The following PISD variants were observed in gnomAD, a reference collection of about 807,000 sequenced individuals.
PISD encodes phosphatidylserine decarboxylase proenzyme, mitochondrial.
Under a neutral mutation model 43.5 loss-of-function variants are expected in PISD, and 31 were observed. The observed-to-expected ratio is 0.71, with a 90% CI of 0.54 to 0.96. The LOEUF (loss-of-function observed/expected upper bound fraction) is 0.96. Among genes scored for constraint, PISD ranks in the 40% least tolerant of loss-of-function variants. PISD has a pLI of 0.00. For synonymous variants in PISD, 259 were observed against 228.7 expected (o/e 1.13, Z -1.20); for missense variants, 523 against 548.4 (o/e 0.95, Z 0.46).
Position 31,618,633 on chromosome 22 carries a change from C to G in PISD, c.*979G>C. 2.2e-6 allele frequency: 1 copy of G among 456,580 alleles called. No individual in the cohort carries two copies. The highest frequency in any genetic ancestry group is 3.7e-6 in the Non-Finnish European group (1 of 269,184). 28.3% of individuals were successfully genotyped at this position (456,580 alleles called of 1,614,324 possible). On this transcript the variant is annotated 3_prime_UTR_variant, in exon 8 of 8. Coordinates refer to ENST00000439502, the MANE Select transcript of PISD (RefSeq NM_001326411.2). ...TGATGTCTCTCCTGCAGGAGAAATT[C>G]ACAGCATCCCCAGGGTCAACATGAA...
intron 3 of PISD, chr22:31,628,719 G>T: frequency 1.8e-6 from 1 of 555,362 alleles, no homozygotes; most frequent in Non-Finnish European, 2.3e-6. Flanking sequence ...TGGAAAATGG[G>T]AAAGGAAATT....
chr22:31,655,784 GCCA>G (rs1235853195), intron 1 of PISD, among the ~76,000 whole-genome samples: 2 of 151,980 alleles, frequency 1.3e-5, no homozygotes, highest in Non-Finnish European at 2.9e-5. Flanking sequence ...ACAGGCACAA[GCCA>G]CCACACCCAG....
chr22:31,623,982 T>A, intron 3 of PISD: 1 of 754,422 alleles, frequency 1.3e-6, no homozygotes, highest in South Asian at 1.9e-5. Context: ...TCCATGGGGG[T>A]GATGGAGCCC....
chr22:31,634,834 C>CAA (rs33999998), intron 3 of PISD, among the ~76,000 whole-genome samples: 1,473 of 80,602 alleles, frequency 0.018, 55 homozygotes, highest in African/African-American at 0.031. Context: ...GACTCCATCT[C>CAA]AAAAAAAAAA....
intron 3 of PISD, among the ~76,000 whole-genome samples, chr22:31,644,592 G>A (rs1273427045): frequency 6.6e-6 from 1 of 152,106 alleles, no homozygotes; most frequent in African/African-American, 2.4e-5. Flanking sequence ...GCTACATTTG[G>A]AAAATCTCAC....
intron 3 of PISD, chr22:31,625,832 G>A (rs1485239827): frequency 1.1e-5 from 17 of 1,592,374 alleles, no homozygotes; most frequent in Non-Finnish European, 1.5e-5. Context: ...GCGCAGGGAG[G>A]GCGGGGCGAG....
chr22:31,646,958 A>G (rs2073903547), intron 3 of PISD, among the ~76,000 whole-genome samples: 1 of 152,114 alleles, frequency 6.6e-6, no homozygotes, highest in African/African-American at 2.4e-5. Flanking sequence ...ACAGGGCAAG[A>G]GCAGACAGGT....
intron 3 of PISD, among the ~76,000 whole-genome samples, chr22:31,644,520 T>C (rs2073829035): frequency 6.6e-6 from 1 of 152,080 alleles, no homozygotes; most frequent in Admixed American, 6.5e-5. Flanking sequence ...ATTACAGGCA[T>C]GAGCCACCAC....
In PISD at chr22:31,660,977, C is replaced by T. The variant is rs142886672; in HGVS notation, c.65+1167G>A. Among the ~76,000 whole-genome samples, 596 of 152,276 alleles carry T rather than the reference C, an allele frequency of 3.9e-3. 4 individuals carry two copies. Among genetic ancestry groups the T allele is most frequent in the African/African-American group, 0.014 (566 of 41,558 alleles). On this transcript the variant is annotated intron_variant, in intron 1 of 7. Transcript: ENST00000439502. Reference sequence around the variant, plus strand: ...CTCGAACTCCTGACCTCAAGTGATCCACCCACCTTGGCCTACCAAAGTGCT... The same window carrying T: ...CTCGAACTCCTGACCTCAAGTGATCTACCCACCTTGGCCTACCAAAGTGCT...
intron 3 of PISD, chr22:31,625,640 C>CG (rs2072864931): frequency 1.6e-6 from 2 of 1,268,742 alleles, no homozygotes; most frequent in Non-Finnish European, 2.2e-6. Context: ...CCTCCAGCCT[C>CG]GGGGGCTGAC....
Position 31,620,620 on chromosome 22 carries a change from T to C in PISD, c.938A>G (p.His313Arg), listed in dbSNP as rs768749210. Reference protein sequence around the residue: ...ERVVLTGDWKHGFFSLTAVGA... With the variant: ...ERVVLTGDWKRGFFSLTAVGA... ...CACAGCTGTCAGTGAGAAGAAGCCATGTTTCCAGTCCCCCGTCAGGACCAC... is the reference window on the plus strand; with the variant it reads ...CACAGCTGTCAGTGAGAAGAAGCCACGTTTCCAGTCCCCCGTCAGGACCAC... The change falls in exon 7 of 8, where the codon CAT becomes CGT. Residue 313 changes from histidine to arginine, a missense_variant. His to Arg is a conservative substitution (Grantham distance 29). Coordinates refer to ENST00000439502, the MANE Select transcript of PISD (RefSeq NM_001326411.2). 4 of 1,614,200 alleles carry C rather than the reference T, an allele frequency of 2.5e-6. No individual in the cohort carries two copies. Among genetic ancestry groups the C allele is most frequent in the Admixed American group, 1.7e-5 (1 of 60,022 alleles).
chr22:31,629,328 G>A (rs1047051191), intron 3 of PISD: 24 of 533,914 alleles, frequency 4.5e-5, no homozygotes, highest in Admixed American at 6.4e-5. Context: ...GTATAGGTGC[G>A]AGGATGTGTG....
intron 1 of PISD, among the ~76,000 whole-genome samples, chr22:31,654,286 T>C (rs1234240939): frequency 6.6e-6 from 1 of 152,172 alleles, no homozygotes; most frequent in Non-Finnish European, 1.5e-5. Context: ...TGGTTTCTTC[T>C]CAGTCTCTAT....
At chr22:31,650,891 G>A (rs2074012784) in intron 1 of PISD, 113 bp from the exon 2 acceptor site, 1 of 632,248 alleles carries the variant, frequency 1.6e-6, no homozygotes, top group Non-Finnish European at 2.7e-6. Context: ...TAAATGTCTT[G>A]GTTTTGACAA....
chr22:31,650,573 T>A (rs2147792340), intron 2 of PISD, 126 bp downstream of exon 2: 1 of 545,880 alleles, frequency 1.8e-6, no homozygotes, highest in Middle Eastern at 2.8e-4. Context: ...CAGTGATAAC[T>A]GCATGCCAGG....
chr22:31,635,888 T>A (rs993930218), intron 3 of PISD, among the ~76,000 whole-genome samples: 22 of 152,294 alleles, frequency 1.4e-4, no homozygotes, highest in African/African-American at 5.1e-4. Flanking sequence ...ATTTGCCCAT[T>A]TCCACACTCA....
At chr22:31,649,332 T>A (rs1457605207) in intron 2 of PISD, among the ~76,000 whole-genome samples, 1 of 152,158 alleles carries the variant, frequency 6.6e-6, no homozygotes, top group African/African-American at 2.4e-5. Context: ...TGCGTTAAAT[T>A]GCTGAAAACT....
At chr22:31,620,451 T>G in intron 7 of PISD, 102 bp downstream of exon 7, 1 of 1,170,656 alleles carries the variant, frequency 8.5e-7, no homozygotes, top group Middle Eastern at 2.1e-4. Flanking sequence ...AGCTGTGGCC[T>G]CCCTAGAATT....
intron 3 of PISD, among the ~76,000 whole-genome samples, chr22:31,646,038 T>C (rs1233044427): frequency 6.6e-6 from 1 of 151,702 alleles, no homozygotes; most frequent in African/African-American, 2.4e-5. Flanking sequence ...ATACTCAAAC[T>C]CCAATGTCAA....
Sources: gnomAD v4.1 joint callset for allele counts (sites outside exome capture counted in the v4.1 genomes callset) on GRCh38, gnomAD v4.1.1 for gene constraint, MANE v1.5 for transcripts, NCBI Gene and HGNC (gene_info 2026-07-23, HGNC 2026-07-21) for gene names.